RGPD3: variants seen among roughly 807,000 people sequenced by gnomAD.
The protein encoded by RGPD3 is RANBP2 like and GRIP domain containing 3.
A neutral mutation model predicts 154.5 loss-of-function variants in RGPD3; 62 were observed. The ratio of observed to expected loss-of-function variants is 0.40; its 90% CI spans 0.33 to 0.50. The LOEUF is 0.50. Among genes scored for constraint, RGPD3 ranks in the 20% least tolerant of loss-of-function variants. The pLI is 0.59. For synonymous variants in RGPD3, 308 were observed against 607.0 expected, an observed-to-expected ratio of 0.51 and a Z score of 7.24; for missense variants, 919 against 1,716.8, an observed-to-expected ratio of 0.54 and a Z score of 8.21.
At chr2:106,450,881 C>CAA (rs56400357) in intron 6 of RGPD3, among the ~76,000 whole-genome samples, 24 of 38,332 alleles carry the variant, frequency 6.3e-4, no homozygotes, top group South Asian at 3.1e-3. Context: ...GACTCAGTCT[C>CAA]AAAAAAAAAA....
chr2:106,424,728 C>A lies in RGPD3; in HGVS notation c.3239G>T (p.Arg1080Met). ...GAGAATTTTTAAGTTCCCCAAGCCC[C>A]TTTCTTTCCACTGACTTACCTCAGC... The part of the protein sequence containing the change: ...FDAEVSQWKE[R>M]GLGNLKILKN... The change falls in exon 20 of 23, where the codon AGG becomes ATG. Residue 1080 changes from arginine (R) to methionine (M), a missense_variant. Coordinates refer to ENST00000409886, the MANE Select transcript of RGPD3 (RefSeq NM_001144013.2). 6.2e-7 allele frequency: 1 copy of A among 1,611,972 alleles called. No homozygotes were observed. The highest frequency in any genetic ancestry group is 2.2e-5 in the East Asian group (1 of 44,882).
chr2:106,433,025 A>G lies in RGPD3; in HGVS notation c.2386-7T>C. 1 of 1,610,954 alleles carries G rather than the reference A, an allele frequency of 6.2e-7. No homozygotes were observed. Among genetic ancestry groups the G allele is most frequent in the Non-Finnish European group, 8.5e-7 (1 of 1,179,740 alleles). ...GTGGTGTTTTGGGAGAATACTAAAAAAAAAATAAAAATAACAAAAGAGCAT... is the reference window on the plus strand; with the variant it reads ...GTGGTGTTTTGGGAGAATACTAAAAGAAAAATAAAAATAACAAAAGAGCAT... On this transcript the variant is annotated splice_polypyrimidine_tract_variant and splice_region_variant and intron_variant, in intron 16 of 22. Transcript: ENST00000409886.
chr2:106,448,753 C>T (rs1053208365), intron 6 of RGPD3, among the ~76,000 whole-genome samples: 1 of 151,944 alleles, frequency 6.6e-6, no homozygotes, highest in African/African-American at 2.4e-5. Flanking sequence ...TGCAGTGACA[C>T]AATCTTGGCT....
At chr2:106,463,009 A>T (rs1678449645) in intron 1 of RGPD3, among the ~76,000 whole-genome samples, 2 of 148,606 alleles carry the variant, frequency 1.3e-5, no homozygotes, top group Admixed American at 6.8e-5. Context: ...AAACATCATT[A>T]AAAAAAAGGG....
chr2:106,421,445 A>T (rs1237686293), intron 20 of RGPD3, among the ~76,000 whole-genome samples: 1 of 151,850 alleles, frequency 6.6e-6, no homozygotes, highest in Non-Finnish European at 1.5e-5. Context: ...AACTGGTATA[A>T]TTAAAAAAAA....
intron 4 of RGPD3, among the ~76,000 whole-genome samples, chr2:106,455,447 A>G (rs1473174446): frequency 2.3e-5 from 2 of 88,566 alleles, no homozygotes; most frequent in African/African-American, 1.0e-4. Context: ...TCTGCTAAAA[A>G]TACAAAAATA....
chr2:106,428,573 TTGAGAAGATAC>T lies in RGPD3; in HGVS notation c.2605+1062_2605+1072del, dbSNP rs1379872001. ...AAGATTTTCTGTTATTTTGCTTGTG[TTGAGAAGATAC>T]TATCACAAAAGGCTAGTGGGGTTGC... On this transcript the variant is annotated intron_variant, in intron 18 of 22. Transcript: ENST00000409886. Among the ~76,000 whole-genome samples, 26 of 150,908 alleles carry T rather than the reference TTGAGAAGATAC, an allele frequency of 1.7e-4. 2 individuals are homozygous for T. The East Asian group carries it at 5.2e-3, about 30-fold the overall frequency.
intron 1 of RGPD3, among the ~76,000 whole-genome samples, chr2:106,463,361 A>G (rs1439006026): frequency 1.3e-5 from 2 of 152,250 alleles, no homozygotes; most frequent in African/African-American, 2.4e-5. Flanking sequence ...CTGTAATCCC[A>G]CTACTCAGGA....
intron 1 of RGPD3, among the ~76,000 whole-genome samples, chr2:106,462,508 C>G (rs1283223561): frequency 6.6e-6 from 1 of 150,896 alleles, no homozygotes; most frequent in African/African-American, 2.4e-5. Flanking sequence ...TAAGCAAATA[C>G]CTGAATTCAC....
At chr2:106,409,214 C>G (rs1016751352) in intron 22 of RGPD3, among the ~76,000 whole-genome samples, 1 of 152,056 alleles carries the variant, frequency 6.6e-6, no homozygotes, top group Non-Finnish European at 1.5e-5. Context: ...GACCTTTCTT[C>G]TAGCATCCCT....
rs1676814047 is a variant in RGPD3, at chr2:106,415,891, C to T, written c.5023G>A (p.Glu1675Lys). Reference sequence around the variant, plus strand: ...AGGACTGCATTGGTTGCCTCTATTTCCCGAAGCAGGCCGTTTAAGTGATCT... The same window carrying T: ...AGGACTGCATTGGTTGCCTCTATTTTCCGAAGCAGGCCGTTTAAGTGATCT... ...SADHLNGLLR[E>K]IEATNAVLME... The change falls in exon 21 of 23, where the codon GAA becomes AAA. Residue 1675 changes from glutamate (E) to lysine (K), a missense_variant. Glu to Lys is a moderately conservative substitution (Grantham distance 56). Transcript: ENST00000409886. The T allele has an allele frequency of 6.2e-7, 1 of 1,611,856 alleles. No individual in the cohort carries two copies. Among genetic ancestry groups the T allele is most frequent in the Non-Finnish European group, 8.5e-7 (1 of 1,179,846 alleles).
chr2:106,468,060 C>T (rs1167720811), intron 1 of RGPD3, among the ~76,000 whole-genome samples, 157 bp downstream of exon 1: 4 of 147,916 alleles, frequency 2.7e-5, no homozygotes, highest in Middle Eastern at 3.4e-3. Context: ...TCGAGGCCGC[C>T]GCAGGGCCAG....
chr2:106,468,603 C>G (rs1157932834), upstream of RGPD3, among the ~76,000 whole-genome samples: 1 of 152,016 alleles, frequency 6.6e-6, no homozygotes, highest in African/African-American at 2.4e-5. Flanking sequence ...GTCAAGAGTT[C>G]AAGACCAGCC....
At chr2:106,464,776 T>G (rs1291171515) in intron 1 of RGPD3, among the ~76,000 whole-genome samples, 2 of 152,260 alleles carry the variant, frequency 1.3e-5, no homozygotes, top group African/African-American at 4.8e-5. Flanking sequence ...CAGGCTGGAG[T>G]GCAGTGGTGC....
rs1279271772 is a variant in RGPD3 at position 106,404,012 on chromosome 2, T to G, written c.*1207A>C. 6.6e-6 allele frequency among the ~76,000 whole-genome samples: 1 copy of G among 152,206 alleles called. No individual in the cohort carries two copies. The highest frequency in any genetic ancestry group is 1.5e-5 in the Non-Finnish European group (1 of 68,050). ...AACAACACAGTTTGGATCTAGTCAT[T>G]AAAACATATGCAGCGGTGTCAAAGG... is the stretch of plus-strand genomic sequence containing the variant. On this transcript the variant is annotated 3_prime_UTR_variant, in exon 23 of 23. Coordinates refer to ENST00000409886, the MANE Select transcript of RGPD3 (RefSeq NM_001144013.2).
At chr2:106,464,521 A>C (rs533735745) in intron 1 of RGPD3, among the ~76,000 whole-genome samples, 3 of 151,368 alleles carry the variant, frequency 2.0e-5, no homozygotes, top group Non-Finnish European at 4.4e-5. Context: ...CAGAGGTAGG[A>C]GGATCATTTA....
rs531806824 is a variant in RGPD3 at position 106,438,277 on chromosome 2, G to A, written c.1276+691C>T. Among the ~76,000 whole-genome samples, 8 of 152,044 alleles carry A rather than the reference G, an allele frequency of 5.3e-5. No individual in the cohort carries two copies. In the East Asian group the frequency reaches 1.4e-3, roughly 26 times the overall value. ...AGGCAGGAGGATCACTTGAGCCTAG[G>A]AGTTGGAGACTAGCCTGGGCAACAA... On this transcript the variant is annotated intron_variant, in intron 9 of 22. Transcript: ENST00000409886.
chr2:106,424,664 T>C lies in RGPD3; in HGVS notation c.3303A>G (p.Gln1101=). The change falls in exon 20 of 23, where the codon CAA becomes CAG. Residue 1101 remains glutamine, a synonymous_variant. Transcript: ENST00000409886. The part of the protein sequence containing the change: ...EVNGKVRMLM[Q]REQVLKVCAN... ...CACACACTTTTAGTACTTGTTCTCT[T>C]TGCATCAGCATTCTTACTTTGCCAT... 6.2e-7 allele frequency: 1 copy of C among 1,612,038 alleles called. No individual in the cohort carries two copies. The highest frequency in any genetic ancestry group is 8.5e-7 in the Non-Finnish European group (1 of 1,179,868).
At chr2:106,412,529 C>T (rs1439480590) in intron 22 of RGPD3, among the ~76,000 whole-genome samples, 2 of 151,234 alleles carry the variant, frequency 1.3e-5, no homozygotes, top group Admixed American at 6.6e-5. Flanking sequence ...AGGATGGTCT[C>T]GGTATCTTGA....
Sources: allele counts gnomAD v4.1 joint callset (sites outside exome capture counted in the v4.1 genomes callset), GRCh38; gene constraint gnomAD v4.1.1; transcripts MANE v1.5; gene names NCBI Gene and HGNC (gene_info 2026-07-23, HGNC 2026-07-21).